The following GLCE variants were observed in gnomAD, a reference collection of about 807,000 sequenced individuals.
GLCE encodes the protein glucuronic acid epimerase, also known as D-glucuronyl C5-epimerase.
Under a neutral mutation model 47.9 loss-of-function variants are expected in GLCE, and 19 were observed. That is an observed-to-expected ratio of 0.40 (90% CI 0.28 to 0.58). GLCE has a LOEUF of 0.58. Ranked by LOEUF, GLCE falls within the 20% of genes least tolerant of loss-of-function variation. GLCE has a pLI of 0.48. For synonymous variants in GLCE, 245 were observed against 263.4 expected, an observed-to-expected ratio of 0.93 and a Z score of 0.68; for missense variants, 556 against 743.3, an observed-to-expected ratio of 0.75 and a Z score of 2.93.
At chr15:69,250,876 TTAAAA>T (rs1455098544) in intron 2 of GLCE, among the ~76,000 whole-genome samples, 4 of 152,290 alleles carry the variant, frequency 2.6e-5, no homozygotes, top group African/African-American at 9.6e-5. Flanking sequence ...CATTGTTTAC[TTAAAA>T]TAAGATAATA....
chr15:69,245,125 G>A (rs1460256570), intron 2 of GLCE, among the ~76,000 whole-genome samples: 1 of 152,062 alleles, frequency 6.6e-6, no homozygotes, highest in Non-Finnish European at 1.5e-5. Context: ...TTGAGGTCAG[G>A]AGTTCAAGAT....
At chr15:69,220,763 T>C (rs1459062543) in intron 2 of GLCE, among the ~76,000 whole-genome samples, 1 of 152,228 alleles carries the variant, frequency 6.6e-6, no homozygotes, top group Non-Finnish European at 1.5e-5. Context: ...TGTCTTTTGA[T>C]GCACAACATT....
intron 2 of GLCE, among the ~76,000 whole-genome samples, chr15:69,249,258 A>G (rs561957116): frequency 3.9e-4 from 59 of 152,274 alleles, no homozygotes; most frequent in African/African-American, 1.4e-3. Context: ...TCAATCTTCA[A>G]TTCATTCTAC....
chr15:69,162,375 G>A (rs1360534137), intron 1 of GLCE, among the ~76,000 whole-genome samples: 1 of 152,004 alleles, frequency 6.6e-6, no homozygotes, highest in East Asian at 1.9e-4. Flanking sequence ...ATTTCTTTTG[G>A]TTAGTTACTC....
chr15:69,211,195 A>G (rs1413514091), intron 2 of GLCE, among the ~76,000 whole-genome samples: 1 of 152,060 alleles, frequency 6.6e-6, no homozygotes, highest in Admixed American at 6.6e-5. Flanking sequence ...GCAGTTAAAT[A>G]CTATGCTTAT....
chr15:69,178,161 A>C (rs2051698933), intron 1 of GLCE, among the ~76,000 whole-genome samples: 1 of 152,196 alleles, frequency 6.6e-6, no homozygotes, highest in Non-Finnish European at 1.5e-5. Flanking sequence ...TTTGGGAATA[A>C]CATATTTATC....
At chr15:69,221,050 C>T (rs955918523) in intron 2 of GLCE, among the ~76,000 whole-genome samples, 1 of 152,148 alleles carries the variant, frequency 6.6e-6, no homozygotes, top group African/African-American at 2.4e-5. Context: ...TCTTGCCACC[C>T]TTGTCAAAAA....
intron 2 of GLCE, among the ~76,000 whole-genome samples, chr15:69,233,567 C>T (rs1355107611): frequency 6.6e-6 from 1 of 152,164 alleles, no homozygotes; most frequent in Non-Finnish European, 1.5e-5. Context: ...TGTTAAACTT[C>T]TGTTTAAAGT....
At position 69,172,590 on chromosome 15, in the gene GLCE, T is replaced by A. The variant is rs571791682; in HGVS notation, c.-105+11833T>A. Among the ~76,000 whole-genome samples, 73 of 88,700 alleles carry A rather than the reference T, an allele frequency of 8.2e-4. 1 individual carries two copies. The highest frequency in any genetic ancestry group is 1.9e-3 in the African/African-American group (70 of 36,698). 58.2% of individuals were successfully genotyped at this position (88,700 alleles called of 152,430 possible). On this transcript the variant is annotated intron_variant, in intron 1 of 4. Coordinates refer to ENST00000261858, the MANE Select transcript of GLCE (RefSeq NM_015554.3). ...TCCCTCAAGGTTATACATATAGCAT[T>A]TGACATCCTCTTAACGATATCTTTT...
intron 1 of GLCE, among the ~76,000 whole-genome samples, chr15:69,180,751 G>C (rs1395802508): frequency 6.6e-6 from 1 of 152,206 alleles, no homozygotes; most frequent in Non-Finnish European, 1.5e-5. Context: ...GTGCTGCCAG[G>C]TCAAGCAAGG....
At chr15:69,196,802 G>T (rs529435519) in intron 1 of GLCE, 2 of 163,594 alleles carry the variant, frequency 1.2e-5, no homozygotes, top group Admixed American at 1.3e-4. Context: ...AAAAACAATC[G>T]TCATTTTGAA....
chr15:69,256,857 T>C (rs1008121122), intron 3 of GLCE, among the ~76,000 whole-genome samples: 1 of 152,208 alleles, frequency 6.6e-6, no homozygotes, highest in East Asian at 1.9e-4. Flanking sequence ...TCTGGACTTA[T>C]ACTGAACTCC....
intron 1 of GLCE, among the ~76,000 whole-genome samples, chr15:69,161,392 G>T (rs903803983): frequency 3.3e-5 from 5 of 152,000 alleles, no homozygotes; most frequent in African/African-American, 1.2e-4. Flanking sequence ...CGCCTTGGGG[G>T]GTTGTTGGGG....
chr15:69,190,851 C>G (rs755529587), intron 1 of GLCE, among the ~76,000 whole-genome samples: 11 of 151,990 alleles, frequency 7.2e-5, no homozygotes, highest in Non-Finnish European at 1.3e-4. Context: ...GCATTTTTCT[C>G]TCTTTTCTTG....
intron 1 of GLCE, among the ~76,000 whole-genome samples, chr15:69,202,196 A>G (rs926211385): frequency 7.9e-5 from 12 of 152,100 alleles, no homozygotes; most frequent in Non-Finnish European, 1.6e-4. Context: ...ATGGGATTAT[A>G]GGCATGAACC....
At chr15:69,224,612 A>G (rs1011998721) in intron 2 of GLCE, among the ~76,000 whole-genome samples, 1 of 152,222 alleles carries the variant, frequency 6.6e-6, no homozygotes, top group Non-Finnish European at 1.5e-5. Context: ...ATCAGAGTAC[A>G]GATCTCCATA....
chr15:69,227,844 T>A (rs2052470857), intron 2 of GLCE, among the ~76,000 whole-genome samples: 1 of 152,230 alleles, frequency 6.6e-6, no homozygotes, highest in African/African-American at 2.4e-5. Context: ...CCGCTTTTAT[T>A]TTTATGAGCT....
chr15:69,204,815 G>A (rs2052128182), intron 1 of GLCE, among the ~76,000 whole-genome samples: 1 of 152,000 alleles, frequency 6.6e-6, no homozygotes, highest in Non-Finnish European at 1.5e-5. Flanking sequence ...GTGATACATT[G>A]CTTAGGGGAA....
At chr15:69,234,618 A>G (rs1186532208) in intron 2 of GLCE, among the ~76,000 whole-genome samples, 1 of 152,134 alleles carries the variant, frequency 6.6e-6, no homozygotes. Flanking sequence ...TTTTAGGTAA[A>G]TGCTGTTTCT....
Sources: gnomAD v4.1 joint callset for allele counts (sites outside exome capture counted in the v4.1 genomes callset) on GRCh38, gnomAD v4.1.1 for gene constraint, MANE v1.5 for transcripts, NCBI Gene and HGNC (gene_info 2026-07-23, HGNC 2026-07-21) for gene names.